EPHA6: variants seen among roughly 807,000 people sequenced by gnomAD.
The protein encoded by EPHA6 is EPH receptor A6.
Under a neutral mutation model 112.0 loss-of-function variants are expected in EPHA6, and 50 were observed. The observed-to-expected ratio is 0.45, with a 90% CI of 0.36 to 0.56. EPHA6 has a LOEUF of 0.56. Ranked by LOEUF, EPHA6 falls within the 20% of genes least tolerant of loss-of-function variation. EPHA6 has a pLI of 0.00. For missense variants in EPHA6, 1,280 were observed against 1,417.4 expected (o/e 0.90, Z 1.56); for synonymous variants, 529 against 490.7 (o/e 1.08, Z -1.03).
At chr3:97,672,449 G>A (rs2030941648) in intron 14 of EPHA6, among the ~76,000 whole-genome samples, 2 of 152,084 alleles carry the variant, frequency 1.3e-5, no homozygotes, top group African/African-American at 2.4e-5. Context: ...ACTTGTTGGT[G>A]GGAGTGGGGG....
intron 3 of EPHA6, among the ~76,000 whole-genome samples, chr3:97,103,546 T>C (rs2047472512): frequency 6.6e-6 from 1 of 152,210 alleles, no homozygotes; most frequent in Non-Finnish European, 1.5e-5. Flanking sequence ...TGTAGCCCTG[T>C]AGTATAGGTT....
chr3:97,637,139 A>C (rs2093952736), intron 13 of EPHA6, among the ~76,000 whole-genome samples: 1 of 152,170 alleles, frequency 6.6e-6, no homozygotes, highest in Non-Finnish European at 1.5e-5. Context: ...GGAGGGAATA[A>C]GATGGGATTG....
chr3:97,004,586 A>G (rs2043804294), intron 3 of EPHA6, among the ~76,000 whole-genome samples: 1 of 152,166 alleles, frequency 6.6e-6, no homozygotes, highest in South Asian at 2.1e-4. Context: ...CCCATTCTGT[A>G]GGTTTCCCAT....
chr3:97,414,102 T>A (rs2087932276), intron 6 of EPHA6, among the ~76,000 whole-genome samples: 1 of 152,096 alleles, frequency 6.6e-6, no homozygotes, highest in Admixed American at 6.6e-5. Context: ...ACTCTACTGC[T>A]ACTCCCTTCA....
intron 3 of EPHA6, among the ~76,000 whole-genome samples, chr3:97,083,413 A>G (rs575312399): frequency 3.4e-4 from 51 of 151,986 alleles, no homozygotes; most frequent in South Asian, 1.0e-3. Context: ...GCTCTTTGGT[A>G]TTTGCTTTCT....
intron 11 of EPHA6, among the ~76,000 whole-genome samples, chr3:97,576,320 C>T (rs1018394498): frequency 6.6e-6 from 1 of 152,042 alleles, no homozygotes; most frequent in Non-Finnish European, 1.5e-5. Flanking sequence ...GGAGCAACTA[C>T]TTCTACTTGT....
chr3:97,440,702 A>G (rs1358570832), intron 6 of EPHA6, among the ~76,000 whole-genome samples: 1 of 151,682 alleles, frequency 6.6e-6, no homozygotes, highest in African/African-American at 2.4e-5. Context: ...AATGTGACCA[A>G]TGCAGAAAAA....
At chr3:96,946,298 T>G (rs2041250128) in intron 2 of EPHA6, among the ~76,000 whole-genome samples, 1 of 152,012 alleles carries the variant, frequency 6.6e-6, no homozygotes, top group Non-Finnish European at 1.5e-5. Flanking sequence ...ACATTAGGCA[T>G]ATCTCCTAAT....
chr3:97,063,360 A>G (rs530919957), intron 3 of EPHA6, among the ~76,000 whole-genome samples: 3 of 152,382 alleles, frequency 2.0e-5, no homozygotes, highest in Admixed American at 6.5e-5. Context: ...ACCATGGAAT[A>G]CTATGCAGCC....
intron 3 of EPHA6, among the ~76,000 whole-genome samples, chr3:97,010,551 G>A (rs1207603148): frequency 6.6e-6 from 1 of 152,084 alleles, no homozygotes; most frequent in African/African-American, 2.4e-5. Context: ...TTAGTGGGTA[G>A]CATTTTTGTA....
chr3:97,017,632 T>C (rs1210599803), intron 3 of EPHA6, among the ~76,000 whole-genome samples: 1 of 152,078 alleles, frequency 6.6e-6, no homozygotes. Flanking sequence ...CCATTTAGGG[T>C]AGTGAAGGAA....
In EPHA6 at chr3:96,987,364, G is replaced by C. The variant is rs192891419; in HGVS notation, c.485G>C (p.Arg162Thr). The change falls in exon 3 of 18, where the codon AGG becomes ACG. Residue 162 changes from arginine to threonine, a missense_variant. Physicochemically the swap from Arg to Thr is moderately conservative, Grantham distance 71 (BLOSUM62 -1). Coordinates refer to ENST00000389672, the MANE Select transcript of EPHA6 (RefSeq NM_001080448.3). ...ATCACTGAAATGGATGAACATAATA[G>C]GCCCATTCACACATACCAGGTATGT... The part of the protein sequence containing the change: ...DAITEMDEHN[R>T]PIHTYQVCNV... 4,894 of 1,612,922 alleles carry C rather than the reference G, an allele frequency of 3.0e-3. 12 individuals carry two copies. The highest frequency in any genetic ancestry group is 3.6e-3 in the Non-Finnish European group (4,270 of 1,179,198).
At chr3:97,376,927 C>T (rs2085397720) in intron 5 of EPHA6, among the ~76,000 whole-genome samples, 1 of 152,124 alleles carries the variant, frequency 6.6e-6, no homozygotes, top group African/African-American at 2.4e-5. Context: ...CTGATAAAAA[C>T]CATCTGGAAT....
intron 3 of EPHA6, among the ~76,000 whole-genome samples, chr3:97,109,371 T>C (rs1489272248): frequency 6.6e-6 from 1 of 152,132 alleles, no homozygotes; most frequent in Non-Finnish European, 1.5e-5. Context: ...GTTAGTGTTG[T>C]TATGAAACAC....
At chr3:96,970,240 C>T (rs1255932300) in intron 2 of EPHA6, among the ~76,000 whole-genome samples, 1 of 129,990 alleles carries the variant, frequency 7.7e-6, no homozygotes, top group Non-Finnish European at 1.6e-5. Flanking sequence ...CCTCTTCATA[C>T]ACACACACAC....
chr3:97,275,752 A>C (rs2080052695), intron 5 of EPHA6, among the ~76,000 whole-genome samples: 1 of 152,004 alleles, frequency 6.6e-6, no homozygotes, highest in Admixed American at 6.6e-5. Flanking sequence ...AAGGGTGATT[A>C]GGTTTTAATG....
Position 97,045,202 on chromosome 3 carries a change from G to A in EPHA6, c.1114+57209G>A, listed in dbSNP as rs1045438976. Among the ~76,000 whole-genome samples, 131 of 152,018 alleles carry A rather than the reference G, an allele frequency of 8.6e-4. 1 individual carries two copies. Among genetic ancestry groups the A allele is most frequent in the African/African-American group, 2.8e-3 (118 of 41,522 alleles). ...TCTAGTAAAGATAAAATTCAGTAAT[G>A]TATAGTTAAAAAACATAGTTTCTCT... On this transcript the variant is annotated intron_variant, in intron 3 of 17. Coordinates refer to ENST00000389672, the MANE Select transcript of EPHA6 (RefSeq NM_001080448.3).
chr3:97,104,494 C>T (rs905051723), intron 3 of EPHA6, among the ~76,000 whole-genome samples: 1 of 152,058 alleles, frequency 6.6e-6, no homozygotes, highest in Non-Finnish European at 1.5e-5. Flanking sequence ...AGGGATGAAG[C>T]CTACTTGATC....
intron 3 of EPHA6, among the ~76,000 whole-genome samples, chr3:97,062,468 C>T (rs1576416991): frequency 1.3e-5 from 2 of 152,200 alleles, no homozygotes; most frequent in East Asian, 3.9e-4. Flanking sequence ...CTACAAGGCA[C>T]TTAAACAAAT....
Sources: gnomAD v4.1 joint callset for allele counts (sites outside exome capture counted in the v4.1 genomes callset) on GRCh38, gnomAD v4.1.1 for gene constraint, MANE v1.5 for transcripts, NCBI Gene and HGNC (gene_info 2026-07-23, HGNC 2026-07-21) for gene names.